Variants in NYAP2 observed in about 807,000 individuals in gnomAD.
The protein encoded by NYAP2 is neuronal tyrosine-phosphorylated phosphoinositide-3-kinase adapter 2.
In NYAP2, 23 loss-of-function variants were observed where a neutral mutation model predicts 50.4. The observed-to-expected ratio is 0.46, with a 90% CI of 0.33 to 0.65. The LOEUF (loss-of-function observed/expected upper bound fraction) is 0.65. Among genes scored for constraint, NYAP2 ranks in the 30% least tolerant of loss-of-function variants. The probability of loss-of-function intolerance (pLI) is 0.02; values close to 1 mark genes in which losing one functional copy is unlikely to be tolerated. For synonymous variants in NYAP2, 394 were observed against 365.2 expected (o/e 1.08, Z -0.90); for missense variants, 885 against 861.0 (o/e 1.03, Z -0.35).
intron 4 of NYAP2, among the ~76,000 whole-genome samples, chr2:225,562,599 A>T (rs1294968249): frequency 6.6e-6 from 1 of 152,074 alleles, no homozygotes; most frequent in African/African-American, 2.4e-5. Context: ...TTTTTGTGCT[A>T]TTTGAAAAGC....
At chr2:225,470,809 A>ATGTGTGTG (rs1339042384) in intron 3 of NYAP2, among the ~76,000 whole-genome samples, 1 of 133,600 alleles carries the variant, frequency 7.5e-6, no homozygotes, top group African/African-American at 3.7e-5. Context: ...ATATGTATGT[A>ATGTGTGTG]TATGTGTGTG....
chr2:225,437,131 C>A (rs1161472286), intron 3 of NYAP2, among the ~76,000 whole-genome samples: 2 of 151,834 alleles, frequency 1.3e-5, no homozygotes, highest in African/African-American at 2.4e-5. Context: ...TTAGAATAAT[C>A]TTGTTATTTG....
Position 225,476,391 on chromosome 2 carries a change from T to C in NYAP2, c.222-36980T>C, listed in dbSNP as rs544037695. Among the ~76,000 whole-genome samples the C allele has an allele frequency of 2.4e-3, 352 of 148,940 alleles. 2 individuals are homozygous for C. The highest frequency in any genetic ancestry group is 8.2e-3 in the African/African-American group (332 of 40,268). ...TCACGCCACTGCACTCCAGCCTGGG[T>C]GACAGAGCGGGACTCTGTCTCAAAA... On this transcript the variant is annotated intron_variant, in intron 3 of 6. Coordinates refer to ENST00000636099, the Ensembl canonical transcript of NYAP2.
the NYAP2 span, among the ~76,000 whole-genome samples, chr2:225,659,552 G>A: frequency 3.9e-5 from 6 of 152,220 alleles, 1 homozygote; most frequent in South Asian, 4.1e-4. Flanking sequence ...AATGTCAAAG[G>A]CTATGACATT....
At chr2:225,479,041 T>C (rs1690164148) in intron 3 of NYAP2, among the ~76,000 whole-genome samples, 1 of 152,186 alleles carries the variant, frequency 6.6e-6, no homozygotes, top group Non-Finnish European at 1.5e-5. Flanking sequence ...AAAATTGTAC[T>C]AGCAGATGTG....
rs1690887326 is a variant in NYAP2, at chr2:225,514,224, C to A, written c.523+552C>A. On this transcript the variant is annotated intron_variant, in intron 4 of 6. Coordinates refer to ENST00000636099, the Ensembl canonical transcript of NYAP2. Reference sequence around the variant, plus strand: ...ATGAAACATACAAGTCAAATATATCCCAGCCTCCTTGCTGGTCTATGAATA... The same window carrying A: ...ATGAAACATACAAGTCAAATATATCACAGCCTCCTTGCTGGTCTATGAATA... Among the ~76,000 whole-genome samples, 3 of 152,058 alleles carry A rather than the reference C, an allele frequency of 2.0e-5. No homozygotes were observed. In the South Asian group the frequency reaches 6.2e-4, roughly 32 times the overall value.
intron 6 of NYAP2, among the ~76,000 whole-genome samples, chr2:225,637,949 A>G (rs369733121): frequency 6.8e-4 from 104 of 152,338 alleles, no homozygotes; most frequent in African/African-American, 2.3e-3. Context: ...GAAAAGCTTG[A>G]CTGCAGAAGC....
chr2:225,592,759 G>A (rs77287264), intron 5 of NYAP2, among the ~76,000 whole-genome samples: 6,870 of 152,198 alleles, frequency 0.045, 186 homozygotes, highest in Middle Eastern at 0.078. Flanking sequence ...GGGGTAGACC[G>A]CAGCTGTCCT....
chr2:225,583,073 T>G (rs749557521), intron 5 of NYAP2, 38 bp downstream of exon 5: 2 of 1,586,348 alleles, frequency 1.3e-6, no homozygotes, highest in Non-Finnish European at 1.7e-6. Flanking sequence ...CAGAGCCCAG[T>G]GCCAGGCTTA....
At chr2:225,585,968 A>G (rs1256944576) in intron 5 of NYAP2, among the ~76,000 whole-genome samples, 1 of 152,224 alleles carries the variant, frequency 6.6e-6, no homozygotes, top group African/African-American at 2.4e-5. Context: ...GAAGTAGTAT[A>G]ACATTTATGA....
intron 5 of NYAP2, among the ~76,000 whole-genome samples, chr2:225,588,412 G>GA (rs1354407507): frequency 2.0e-5 from 3 of 150,948 alleles, no homozygotes. Context: ...CACAAAAACT[G>GA]AAAAACACCT....
intron 4 of NYAP2, among the ~76,000 whole-genome samples, chr2:225,545,640 TTC>T (rs1691565884): frequency 6.6e-6 from 1 of 152,204 alleles, no homozygotes; most frequent in Non-Finnish European, 1.5e-5. Context: ...CTATTTTGAA[TTC>T]TCTCTCTGAA....
intron 4 of NYAP2, among the ~76,000 whole-genome samples, chr2:225,521,999 T>G (rs1691068296): frequency 6.6e-6 from 1 of 152,154 alleles, no homozygotes; most frequent in Non-Finnish European, 1.5e-5. Flanking sequence ...TGGTTTAGTC[T>G]TGGGAGGGTG....
intron 3 of NYAP2, among the ~76,000 whole-genome samples, chr2:225,448,945 C>T (rs974041329): frequency 3.9e-5 from 6 of 152,124 alleles, no homozygotes; most frequent in African/African-American, 1.4e-4. Flanking sequence ...TATGTTGGGG[C>T]ATTTCTGTAC....
chr2:225,624,114 A>G (rs1693168959), intron 5 of NYAP2, among the ~76,000 whole-genome samples: 1 of 152,216 alleles, frequency 6.6e-6, no homozygotes, highest in Non-Finnish European at 1.5e-5. Context: ...TATATTCTAT[A>G]TGTTATTTAT....
chr2:225,655,349 G>A (rs1693805139), downstream of NYAP2, among the ~76,000 whole-genome samples: 1 of 151,922 alleles, frequency 6.6e-6, no homozygotes, highest in Non-Finnish European at 1.5e-5. Flanking sequence ...CTAGACATGG[G>A]GCAATTATAG....
At chr2:225,681,566 T>A in the NYAP2 span, among the ~76,000 whole-genome samples, 1 of 152,194 alleles carries the variant, frequency 6.6e-6, no homozygotes, top group Non-Finnish European at 1.5e-5. Flanking sequence ...GGACAAGTGA[T>A]GTAACTCTAT....
Position 225,582,999 on chromosome 2 carries a change from T to C in NYAP2, c.1582T>C (p.Ser528Pro). ...CTCCGGCCGCAGCCTGCTGCGCAAG[T>C]CGTCCAGTGGCCGGCGCTCCAAAGA... The change falls in exon 5 of 7, where the codon TCG becomes CCG. Residue 528 changes from serine to proline, a missense_variant. Coordinates refer to ENST00000636099, the Ensembl canonical transcript of NYAP2. This position sits in a 1 kb window ranked among gnomAD's most constrained non-coding sequence, Gnocchi z 7.0. 1 of 1,612,108 alleles carries C rather than the reference T, an allele frequency of 6.2e-7. No homozygotes were observed. The highest frequency in any genetic ancestry group is 8.5e-7 in the Non-Finnish European group (1 of 1,179,558).
At chr2:225,561,676 G>A (rs1225047439) in intron 4 of NYAP2, among the ~76,000 whole-genome samples, 1 of 152,076 alleles carries the variant, frequency 6.6e-6, no homozygotes, top group Admixed American at 6.6e-5. Context: ...GCTATTATAG[G>A]TGAAATAGAG....
Sources: allele counts gnomAD v4.1 joint callset (sites outside exome capture counted in the v4.1 genomes callset), GRCh38; gene constraint gnomAD v4.1.1; non-coding constraint Gnocchi (gnomAD v3.1); transcripts MANE v1.5; gene names NCBI Gene and HGNC (gene_info 2026-07-23, HGNC 2026-07-21).